The following ITGA9 variants were observed in gnomAD, a reference collection of about 807,000 sequenced individuals.
ITGA9 encodes integrin subunit alpha 9, also known as integrin alpha-9.
A neutral mutation model predicts 127.8 loss-of-function variants in ITGA9; 56 were observed. That is an observed-to-expected ratio of 0.44 (90% CI 0.35 to 0.55). The LOEUF is 0.55. Ranked by LOEUF, ITGA9 falls within the 20% of genes least tolerant of loss-of-function variation. The pLI is 0.00. For synonymous variants in ITGA9, 508 were observed against 514.5 expected, an observed-to-expected ratio of 0.99 and a Z score of 0.17; for missense variants, 1,196 against 1,347.1, an observed-to-expected ratio of 0.89 and a Z score of 1.76.
intron 16 of ITGA9, among the ~76,000 whole-genome samples, chr3:37,644,921 C>G (rs934038208): frequency 6.6e-6 from 1 of 152,142 alleles, no homozygotes; most frequent in Non-Finnish European, 1.5e-5. Flanking sequence ...AGGCAATGAG[C>G]CTTTTCCTTC....
In ITGA9 at chr3:37,471,049, T is replaced by C; in HGVS notation, c.228T>C (p.Pro76=). The C allele has an allele frequency of 6.2e-7, 1 of 1,614,080 alleles. No homozygotes were observed. Among genetic ancestry groups the C allele is most frequent in the Admixed American group, 1.7e-5 (1 of 60,022 alleles). ...GAPKADSKYS[P]SVKSPGAVFK... is the part of the protein sequence containing the mutation. Reference sequence around the variant, plus strand: ...CAAAGGCAGATTCCAAATACAGCCCTTCAGTGAAGTCTCCTGGGGCTGTGT... The same window carrying C: ...CAAAGGCAGATTCCAAATACAGCCCCTCAGTGAAGTCTCCTGGGGCTGTGT... The change falls in exon 2 of 28, where the codon CCT becomes CCC. Residue 76 remains proline, a synonymous_variant. Coordinates refer to ENST00000264741, the MANE Select transcript of ITGA9 (RefSeq NM_002207.3).
intron 4 of ITGA9, among the ~76,000 whole-genome samples, chr3:37,484,678 G>A (rs992645433): frequency 1.3e-5 from 2 of 152,116 alleles, no homozygotes; most frequent in Non-Finnish European, 2.9e-5. Flanking sequence ...CAATGGAGAG[G>A]CAGAGTAGCT....
chr3:37,755,801 G>T (rs374269133), intron 23 of ITGA9, among the ~76,000 whole-genome samples: 250 of 152,190 alleles, frequency 1.6e-3, no homozygotes, highest in Middle Eastern at 0.014. Flanking sequence ...AGCAAGTCAA[G>T]ATTCTTGTCT....
intron 6 of ITGA9, among the ~76,000 whole-genome samples, chr3:37,503,928 CTCTTT>C (rs1559522123): frequency 2.0e-5 from 3 of 152,080 alleles, no homozygotes; most frequent in Non-Finnish European, 4.4e-5. Flanking sequence ...AATTACAAGA[CTCTTT>C]TCTTTAATTT....
chr3:37,506,252 C>T (rs1435381170), intron 7 of ITGA9, among the ~76,000 whole-genome samples, 167 bp downstream of exon 7: 7 of 152,104 alleles, frequency 4.6e-5, no homozygotes, highest in Admixed American at 4.6e-4. Context: ...GAAAGTTTCC[C>T]TTGAAAGCTC....
chr3:37,709,900 A>C lies in ITGA9; in HGVS notation c.2068-22812A>C, dbSNP rs188185210. On this transcript the variant is annotated intron_variant, in intron 18 of 27. Coordinates refer to ENST00000264741, the MANE Select transcript of ITGA9 (RefSeq NM_002207.3). Reference sequence around the variant, plus strand: ...AGAGGCAGGAGAATCGCTTGAACCCAAGAGGCGGAAGTTGCAGTGAGCCAA... The same window carrying C: ...AGAGGCAGGAGAATCGCTTGAACCCCAGAGGCGGAAGTTGCAGTGAGCCAA... Among the ~76,000 whole-genome samples, 37 of 152,302 alleles carry C rather than the reference A, an allele frequency of 2.4e-4. 1 individual carries two copies. In the East Asian group the frequency reaches 6.0e-3, roughly 25 times the overall value.
intron 15 of ITGA9, among the ~76,000 whole-genome samples, chr3:37,618,817 A>G (rs1250502022): frequency 1.3e-5 from 2 of 152,212 alleles, no homozygotes; most frequent in African/African-American, 4.8e-5. Context: ...GGAAAAGCGC[A>G]GTATTAGGGT....
intron 15 of ITGA9, among the ~76,000 whole-genome samples, chr3:37,593,411 T>C (rs1455384898): frequency 2.0e-5 from 3 of 152,178 alleles, no homozygotes; most frequent in Admixed American, 1.3e-4. Flanking sequence ...ATCCCATAAA[T>C]TGGGTGGGTT....
At chr3:37,706,346 A>G (rs984284486) in intron 18 of ITGA9, among the ~76,000 whole-genome samples, 1 of 152,122 alleles carries the variant, frequency 6.6e-6, no homozygotes, top group Non-Finnish European at 1.5e-5. Flanking sequence ...TTTTCAGTCC[A>G]TTGTTTTTCC....
chr3:37,793,411 C>G (rs1202717532), intron 26 of ITGA9, among the ~76,000 whole-genome samples: 1 of 151,528 alleles, frequency 6.6e-6, no homozygotes, highest in Admixed American at 6.6e-5. Flanking sequence ...CACACACACA[C>G]ACACACACAC....
At chr3:37,554,305 G>A (rs1398814286) in intron 15 of ITGA9, among the ~76,000 whole-genome samples, 2 of 152,056 alleles carry the variant, frequency 1.3e-5, no homozygotes, top group Non-Finnish European at 2.9e-5. Context: ...TTAGCACAGC[G>A]GGTTCCTGGA....
chr3:37,720,161 G>C (rs1521621), intron 18 of ITGA9, among the ~76,000 whole-genome samples: 140,355 of 152,254 alleles, frequency 0.92, 64,853 homozygotes, highest in Middle Eastern at 0.98. Flanking sequence ...GCAAGACCTT[G>C]ACAGCTTCAA....
intron 18 of ITGA9, among the ~76,000 whole-genome samples, chr3:37,726,183 A>G (rs1696191500): frequency 6.6e-6 from 1 of 152,200 alleles, no homozygotes; most frequent in South Asian, 2.1e-4. Context: ...TTGAATTCTA[A>G]ATTAACTAAG....
chr3:37,556,019 G>C (rs192121203), intron 15 of ITGA9, among the ~76,000 whole-genome samples: 1 of 152,250 alleles, frequency 6.6e-6, no homozygotes, highest in African/African-American at 2.4e-5. Flanking sequence ...GCCTTTTAGC[G>C]TAGAAAAGCC....
At chr3:37,551,084 A>G (rs141883538) in intron 15 of ITGA9, among the ~76,000 whole-genome samples, 1 of 152,284 alleles carries the variant, frequency 6.6e-6, no homozygotes, top group East Asian at 1.9e-4. Flanking sequence ...ATAGGAAAGT[A>G]AATTTGTGGG....
intron 17 of ITGA9, among the ~76,000 whole-genome samples, chr3:37,682,256 G>A (rs544201774): frequency 6.6e-6 from 1 of 152,174 alleles, no homozygotes; most frequent in Non-Finnish European, 1.5e-5. Flanking sequence ...ACTCTCTCCA[G>A]TTAGGCTTTC....
intron 11 of ITGA9, among the ~76,000 whole-genome samples, chr3:37,520,725 G>A (rs80029969): frequency 0.014 from 2,151 of 152,308 alleles, 56 homozygotes; most frequent in African/African-American, 0.048. Flanking sequence ...GGCACAGTTT[G>A]GGGGCCACAT....
intron 19 of ITGA9, among the ~76,000 whole-genome samples, chr3:37,733,216 G>A (rs565363844): frequency 2.0e-5 from 3 of 152,106 alleles, no homozygotes; most frequent in Non-Finnish European, 2.9e-5. Context: ...GTTTTCTGAA[G>A]AGAACTCTCA....
intron 25 of ITGA9, among the ~76,000 whole-genome samples, chr3:37,782,276 G>C (rs558396466): frequency 1.3e-5 from 2 of 152,348 alleles, no homozygotes; most frequent in Non-Finnish European, 2.9e-5. Context: ...AAGCCACTCT[G>C]ATGTTTCCTT....
Sources: allele counts gnomAD v4.1 joint callset (sites outside exome capture counted in the v4.1 genomes callset), GRCh38; gene constraint gnomAD v4.1.1; transcripts MANE v1.5; gene names NCBI Gene and HGNC (gene_info 2026-07-23, HGNC 2026-07-21).